The following PPM1B variants were observed in gnomAD, a reference collection of about 807,000 sequenced individuals.
The protein encoded by PPM1B is protein phosphatase, Mg2+/Mn2+ dependent 1B.
A neutral mutation model predicts 43.0 loss-of-function variants in PPM1B; 22 were observed. The observed-to-expected ratio is 0.51, with a 90% confidence interval of 0.37 to 0.73. The LOEUF (loss-of-function observed/expected upper bound fraction) is 0.73, where lower values mean the gene tolerates loss of function less well. Ranked by LOEUF, PPM1B falls within the 30% of genes least tolerant of loss-of-function variation. The pLI, the probability that PPM1B is intolerant of heterozygous loss-of-function variation, is 0.00. For synonymous variants in PPM1B, 217 were observed against 197.9 expected, an observed-to-expected ratio of 1.10 and a Z score of -0.81; for missense variants, 632 against 584.2, an observed-to-expected ratio of 1.08 and a Z score of -0.84.
chr2:44,233,467 G>C, downstream of PPM1B: 1 of 984,278 alleles, frequency 1.0e-6, no homozygotes, highest in Non-Finnish European at 1.2e-6. Flanking sequence ...TTCAATTAAT[G>C]CTGAACATGA....
intron 3 of PPM1B, among the ~76,000 whole-genome samples, chr2:44,211,467 A>C (rs1317773247): frequency 6.6e-6 from 1 of 152,220 alleles, no homozygotes; most frequent in African/African-American, 2.4e-5. Flanking sequence ...TTCTCAGTGC[A>C]TCACAATCAG....
At chr2:44,234,456 T>G (rs1206971021), downstream of PPM1B, 2 of 726,612 alleles carry the variant, frequency 2.8e-6, no homozygotes, top group Admixed American at 6.4e-5. Context: ...GAGGCGGAGG[T>G]TGCAGTGAGC....
At chr2:44,245,876 C>G (rs1045104297), downstream of PPM1B, among the ~76,000 whole-genome samples, 1 of 152,242 alleles carries the variant, frequency 6.6e-6, no homozygotes, top group Non-Finnish European at 1.5e-5. Context: ...TCCTTCAGCA[C>G]GCTGACTCCA....
At chr2:44,197,366 A>G (rs1306905304) in intron 1 of PPM1B, among the ~76,000 whole-genome samples, 1 of 152,138 alleles carries the variant, frequency 6.6e-6, no homozygotes, top group African/African-American at 2.4e-5. Flanking sequence ...TGATTCTCCT[A>G]CCTTGGCCTC....
rs1343866577 is a variant in PPM1B at position 44,201,959 on chromosome 2, C to G, written c.760C>G (p.Leu254Val). ...GIWDVMSNEE[L>V]CEYVKSRLEV... is the part of the protein sequence containing the mutation. ...CTGGGATGTTATGAGTAATGAGGAG[C>G]TCTGTGAATATGTTAAATCTAGGCT... The change falls in exon 2 of 6, where the codon CTC becomes GTC. Residue 254 changes from leucine (L) to valine (V), a missense_variant. Transcript: ENST00000282412. The surrounding 1 kb of genome is among the most constrained non-coding windows in gnomAD (Gnocchi z 5.4). 1 of 1,613,776 alleles carries G rather than the reference C, an allele frequency of 6.2e-7. No homozygotes were observed. The highest frequency in any genetic ancestry group is 8.5e-7 in the Non-Finnish European group (1 of 1,179,936).
chr2:44,234,703 C>A (rs1450142487), downstream of PPM1B: 2 of 698,452 alleles, frequency 2.9e-6, no homozygotes, highest in Non-Finnish European at 3.5e-6. Flanking sequence ...TATACTCTTA[C>A]AAATTGTATA....
chr2:44,190,358 C>T (rs973893923), intron 1 of PPM1B, among the ~76,000 whole-genome samples: 7 of 152,032 alleles, frequency 4.6e-5, no homozygotes, highest in Non-Finnish European at 8.8e-5. Context: ...GGAGTTTCAC[C>T]ATGTTGGCCA....
At chr2:44,173,115 G>A (rs1667427006) in intron 1 of PPM1B, among the ~76,000 whole-genome samples, 1 of 152,214 alleles carries the variant, frequency 6.6e-6, no homozygotes, top group African/African-American at 2.4e-5. Context: ...AGCCTGGCCT[G>A]GCCAACGTGG....
At chr2:44,212,979 C>G (rs1669549464) in intron 3 of PPM1B, among the ~76,000 whole-genome samples, 1 of 144,724 alleles carries the variant, frequency 6.9e-6, no homozygotes, top group East Asian at 2.0e-4. Context: ...TGCCACTGCA[C>G]TCCAGGCTGG....
chr2:44,209,279 G>T lies in PPM1B; in HGVS notation c.916G>T (p.Val306Leu). The T allele has an allele frequency of 6.2e-7, 1 of 1,614,054 alleles. No homozygotes were observed. Among genetic ancestry groups the T allele is most frequent in the Non-Finnish European group, 8.5e-7 (1 of 1,179,968 alleles). ...TGCTCCCAAGGTCTCAGATGAAGCG[G>T]TGAAAAAAGATTCAGAGTTGGATAA... ...SNAPKVSDEA[V>L]KKDSELDKHL... is the part of the protein sequence containing the mutation. Residue 306 changes from valine to leucine, a missense_variant, in exon 3 of 6, where the codon GTG (valine) becomes TTG (leucine). By Grantham distance (32) the Val-to-Leu change is conservative (BLOSUM62 1). This residue lies in a region of PPM1B where 392 missense variants were observed against 302.7 expected (regional missense o/e 1.29). Transcript: ENST00000282412.
At chr2:44,209,733 C>T (rs938984721) in intron 3 of PPM1B, among the ~76,000 whole-genome samples, 4 of 149,788 alleles carry the variant, frequency 2.7e-5, no homozygotes, top group East Asian at 2.0e-4. Context: ...GCCGAGATTG[C>T]ACCACTGCAC....
intron 1 of PPM1B, among the ~76,000 whole-genome samples, chr2:44,189,355 C>T (rs1039708180): frequency 6.6e-6 from 1 of 152,204 alleles, no homozygotes; most frequent in Non-Finnish European, 1.5e-5. Context: ...TTCTTACTTG[C>T]AGGCATGATC....
intron 1 of PPM1B, among the ~76,000 whole-genome samples, chr2:44,174,582 G>A (rs1423616403): frequency 6.6e-6 from 1 of 152,198 alleles, no homozygotes; most frequent in Non-Finnish European, 1.5e-5. Flanking sequence ...AGATTCAAAC[G>A]TATAATATAC....
chr2:44,217,051 G>GAGT (rs1669753543), intron 3 of PPM1B, among the ~76,000 whole-genome samples: 1 of 151,952 alleles, frequency 6.6e-6, no homozygotes, highest in African/African-American at 2.4e-5. Context: ...AGAGTTGAAA[G>GAGT]AGTAGTGGAA....
At chr2:44,208,852 GTGTT>G (rs1422023804) in intron 2 of PPM1B, among the ~76,000 whole-genome samples, 1 of 152,222 alleles carries the variant, frequency 6.6e-6, no homozygotes, top group Non-Finnish European at 1.5e-5. Context: ...ATTTGCATAT[GTGTT>G]TGGGAGGATC....
intron 1 of PPM1B, among the ~76,000 whole-genome samples, chr2:44,176,457 T>G (rs1667584784): frequency 6.6e-6 from 1 of 152,236 alleles, no homozygotes; most frequent in Admixed American, 6.5e-5. Context: ...TCTTGGTTTA[T>G]TGTGCACAAC....
At chr2:44,208,518 G>C (rs1669300191) in intron 2 of PPM1B, among the ~76,000 whole-genome samples, 1 of 151,982 alleles carries the variant, frequency 6.6e-6, no homozygotes, top group African/African-American at 2.4e-5. Context: ...TTCAAGACCA[G>C]CCTGGTCAAC....
intron 1 of PPM1B, among the ~76,000 whole-genome samples, chr2:44,196,481 G>T (rs555871345): frequency 1.3e-5 from 2 of 152,312 alleles, no homozygotes; most frequent in Admixed American, 6.5e-5. Flanking sequence ...CTGAGGTAGT[G>T]TTTGTCAGAT....
intron 3 of PPM1B, among the ~76,000 whole-genome samples, chr2:44,217,044 G>T (rs1243215181): frequency 6.6e-6 from 1 of 152,042 alleles, no homozygotes; most frequent in Non-Finnish European, 1.5e-5. Context: ...GGCGGGCAGA[G>T]TTGAAAGAGT....
Sources: allele counts gnomAD v4.1 joint callset (sites outside exome capture counted in the v4.1 genomes callset), GRCh38; gene constraint gnomAD v4.1.1; regional missense constraint gnomAD v4.1.1; non-coding constraint Gnocchi (gnomAD v3.1); transcripts MANE v1.5; gene names NCBI Gene and HGNC (gene_info 2026-07-23, HGNC 2026-07-21).